ZFAT: variants seen among roughly 807,000 people sequenced by gnomAD.
ZFAT encodes the protein zinc finger protein ZFAT.
In ZFAT, 64 loss-of-function variants were observed where a neutral mutation model predicts 117.7. The observed-to-expected ratio is 0.54, with a 90% CI of 0.44 to 0.67. The LOEUF (loss-of-function observed/expected upper bound fraction) is 0.67. ZFAT is among the 30% of genes least tolerant of loss of function. The pLI is 0.00. For missense variants in ZFAT, 1,433 were observed against 1,584.5 expected (o/e 0.90, Z 1.62); for synonymous variants, 679 against 615.0 (o/e 1.10, Z -1.54).
intron 3 of ZFAT, among the ~76,000 whole-genome samples, chr8:134,612,152 T>C (rs955151503): frequency 6.6e-6 from 1 of 152,234 alleles, no homozygotes; most frequent in East Asian, 1.9e-4. Context: ...CAAAATTCAC[T>C]TCCTCAGAAC....
At chr8:134,698,695 C>T (rs1439581734) in intron 1 of ZFAT, among the ~76,000 whole-genome samples, 2 of 152,120 alleles carry the variant, frequency 1.3e-5, no homozygotes, top group Non-Finnish European at 2.9e-5. Context: ...ACCAGCCTCC[C>T]GGACACCCCC....
intron 1 of ZFAT, among the ~76,000 whole-genome samples, chr8:134,702,339 G>A (rs1458931245): frequency 6.6e-6 from 1 of 152,200 alleles, no homozygotes; most frequent in Non-Finnish European, 1.5e-5. Context: ...TCTTGGAATA[G>A]GATTGCTACC....
chr8:134,517,055 A>G (rs1268147751), intron 13 of ZFAT, among the ~76,000 whole-genome samples: 2 of 152,190 alleles, frequency 1.3e-5, no homozygotes, highest in African/African-American at 2.4e-5. Context: ...ACAGCCTCAG[A>G]ATCACAATAT....
chr8:134,495,249 A>C (rs1227214900), intron 15 of ZFAT, among the ~76,000 whole-genome samples: 1 of 152,208 alleles, frequency 6.6e-6, no homozygotes, highest in Non-Finnish European at 1.5e-5. Flanking sequence ...TGGTTAGGTT[A>C]CAGTGCGGGC....
chr8:134,797,799 T>A, the ZFAT span: 1 of 151,934 alleles, frequency 6.6e-6, no homozygotes, highest in East Asian at 1.9e-4. Flanking sequence ...TGTTTTATAA[T>A]GTACTAGTAG....
At chr8:134,811,640 T>C in the ZFAT span, among the ~76,000 whole-genome samples, 1 of 152,190 alleles carries the variant, frequency 6.6e-6, no homozygotes, top group Non-Finnish European at 1.5e-5. Context: ...GCAACCTTAA[T>C]AGTATAATTC....
the ZFAT span, chr8:134,792,619 C>A: frequency 6.6e-6 from 1 of 152,160 alleles, no homozygotes; most frequent in Middle Eastern, 3.2e-3. Context: ...AACTCCAAGA[C>A]ATATTTGAGT....
At chr8:134,772,368 A>G in the ZFAT span, among the ~76,000 whole-genome samples, 2 of 152,244 alleles carry the variant, frequency 1.3e-5, 1 homozygote, top group Non-Finnish European at 2.9e-5. Flanking sequence ...CACACAAATA[A>G]GAAAGGGAAA....
At chr8:134,731,533 A>C in the ZFAT span, among the ~76,000 whole-genome samples, 3 of 152,252 alleles carry the variant, frequency 2.0e-5, no homozygotes, top group Admixed American at 2.0e-4. Context: ...ACATAGACAT[A>C]TACAGAAATA....
intron 1 of ZFAT, among the ~76,000 whole-genome samples, chr8:134,711,608 C>T (rs1223384352): frequency 1.3e-5 from 2 of 152,178 alleles, no homozygotes; most frequent in Non-Finnish European, 2.9e-5. Context: ...AGTGATAGTG[C>T]GGGACTCTGT....
chr8:134,606,873 G>C (rs1035447384), intron 5 of ZFAT, among the ~76,000 whole-genome samples: 1 of 151,780 alleles, frequency 6.6e-6, no homozygotes, highest in Non-Finnish European at 1.5e-5. Flanking sequence ...TGGGCAATAA[G>C]ATCATAAATG....
Position 134,478,318 on chromosome 8 carries a change from T to TGGGGTGGTGA in ZFAT, c.*163_*164insTCACCACCCC. 2 of 1,029,314 alleles carry TGGGGTGGTGA rather than the reference T, an allele frequency of 1.9e-6. No homozygotes were observed. The highest frequency in any genetic ancestry group is 1.4e-6 in the Non-Finnish European group (1 of 726,528). The allele number at this position is 1,029,314 out of a possible 1,614,324, so 63.8% of individuals were successfully genotyped here. A position where few individuals can be genotyped will look rare whatever the true frequency, so the allele number is the denominator to read the frequency against. On this transcript the variant is annotated 3_prime_UTR_variant, in exon 16 of 16. Coordinates refer to ENST00000377838, the MANE Select transcript of ZFAT (RefSeq NM_020863.4). The surrounding 1 kb of genome is among the most constrained non-coding windows in gnomAD (Gnocchi z 5.2). ...GGTATTGCTGGTGATGCTGACTGCC[T>TGGGGTGGTGA]TGCCCACCCCAAGTTGGACTAGGAG...
intron 15 of ZFAT, among the ~76,000 whole-genome samples, chr8:134,493,264 G>C (rs1020037580): frequency 6.6e-6 from 1 of 152,162 alleles, no homozygotes; most frequent in African/African-American, 2.4e-5. Context: ...GCACTGGAGA[G>C]CTCTGCTGCC....
chr8:134,668,793 T>C lies in ZFAT; in HGVS notation c.20-11056A>G, dbSNP rs187334013. Among the ~76,000 whole-genome samples, 669 of 152,274 alleles carry C rather than the reference T, an allele frequency of 4.4e-3. 2 individuals carry two copies. The highest frequency in any genetic ancestry group is 6.8e-3 in the Middle Eastern group (2 of 294). On this transcript the variant is annotated intron_variant, in intron 1 of 15. Transcript: ENST00000377838. ...GTTGAGAGAAGGAGGCTTCAGACGA[T>C]TGAACTTCTCCAAGCTAAAGGAGGA...
chr8:134,663,286 T>C lies in ZFAT; in HGVS notation c.20-5549A>G, dbSNP rs565375935. On this transcript the variant is annotated intron_variant, in intron 1 of 15. Transcript: ENST00000377838. The stretch of plus-strand genomic sequence containing the variant: ...AAATCATATTTCAAAGAACACTGAA[T>C]GGCACAGGGAAACGCTCCTAATGAA... Among the ~76,000 whole-genome samples, 12 of 152,294 alleles carry C rather than the reference T, an allele frequency of 7.9e-5. No homozygotes were observed. In the South Asian group the frequency reaches 2.1e-3, roughly 26 times the overall value.
intron 2 of ZFAT, among the ~76,000 whole-genome samples, chr8:134,656,141 G>A (rs980776234): frequency 1.3e-5 from 2 of 152,186 alleles, no homozygotes; most frequent in African/African-American, 4.8e-5. Flanking sequence ...CAGGCTGGGT[G>A]GGCAGAGGGA....
intron 2 of ZFAT, among the ~76,000 whole-genome samples, chr8:134,654,382 A>G (rs1831465545): frequency 6.6e-6 from 1 of 152,226 alleles, no homozygotes; most frequent in South Asian, 2.1e-4. Context: ...CCCACATAGT[A>G]TATTCGCCCA....
chr8:134,725,632 C>T, the ZFAT span, among the ~76,000 whole-genome samples: 3 of 152,010 alleles, frequency 2.0e-5, no homozygotes, highest in Admixed American at 6.6e-5. Context: ...TCAACACTGG[C>T]GATTACAATT....
At chr8:134,520,818 G>T in intron 13 of ZFAT, 65 bp downstream of exon 13, 1 of 1,263,186 alleles carries the variant, frequency 7.9e-7, no homozygotes, top group Non-Finnish European at 1.1e-6. Context: ...CCAGTATTTG[G>T]GTTTGCCTGG....
Sources: allele counts gnomAD v4.1 joint callset (sites outside exome capture counted in the v4.1 genomes callset), GRCh38; gene constraint gnomAD v4.1.1; non-coding constraint Gnocchi (gnomAD v3.1); transcripts MANE v1.5; gene names NCBI Gene and HGNC (gene_info 2026-07-23, HGNC 2026-07-21).